The following SPOCK3 variants were observed in gnomAD, a reference collection of about 807,000 sequenced individuals.
SPOCK3 encodes the protein testican-3.
In SPOCK3, 30 loss-of-function variants were observed where a neutral mutation model predicts 56.6. The observed-to-expected ratio is 0.53, with a 90% CI of 0.40 to 0.72. The LOEUF is 0.72. SPOCK3 is among the 30% of genes least tolerant of loss of function. The pLI, the probability that SPOCK3 is intolerant of heterozygous loss-of-function variation, is 0.00. For missense variants in SPOCK3, 527 were observed against 530.0 expected, an observed-to-expected ratio of 0.99 and a Z score of 0.06; for synonymous variants, 196 against 183.3, an observed-to-expected ratio of 1.07 and a Z score of -0.56.
chr4:167,171,799 G>A (rs945441673), intron 2 of SPOCK3, among the ~76,000 whole-genome samples: 1 of 151,714 alleles, frequency 6.6e-6, no homozygotes, highest in African/African-American at 2.4e-5. Flanking sequence ...TCACTATCAT[G>A]ATTTCATCTA....
intron 3 of SPOCK3, among the ~76,000 whole-genome samples, chr4:167,056,535 T>A (rs536372961): frequency 6.6e-6 from 1 of 152,064 alleles, no homozygotes; most frequent in Non-Finnish European, 1.5e-5. Flanking sequence ...TTGAAAACTT[T>A]GAAAAAAATT....
At chr4:166,923,457 T>C (rs1483138745) in intron 4 of SPOCK3, among the ~76,000 whole-genome samples, 1 of 152,190 alleles carries the variant, frequency 6.6e-6, no homozygotes, top group Non-Finnish European at 1.5e-5. Context: ...AAAAGAGAGA[T>C]TCTATTTCTC....
intron 2 of SPOCK3, among the ~76,000 whole-genome samples, chr4:167,175,257 ACTT>A (rs775773834): frequency 4.6e-5 from 7 of 152,236 alleles, no homozygotes; most frequent in African/African-American, 1.2e-4. Flanking sequence ...CAATGATACT[ACTT>A]CTTATTAAAC....
chr4:167,159,058 C>T (rs113666151), intron 2 of SPOCK3, among the ~76,000 whole-genome samples: 1,628 of 152,044 alleles, frequency 0.011, 32 homozygotes, highest in African/African-American at 0.037. Context: ...AGCAAAAGCA[C>T]AGGAACTAGC....
At chr4:167,161,532 A>T (rs1765303742) in intron 2 of SPOCK3, among the ~76,000 whole-genome samples, 1 of 152,138 alleles carries the variant, frequency 6.6e-6, no homozygotes, top group South Asian at 2.1e-4. Context: ...CAGCCATCCC[A>T]TTACTGGGTA....
At chr4:166,863,819 C>T (rs920031119) in intron 6 of SPOCK3, among the ~76,000 whole-genome samples, 1 of 152,068 alleles carries the variant, frequency 6.6e-6, no homozygotes, top group Non-Finnish European at 1.5e-5. Context: ...GACTTAGACT[C>T]CTACACAATA....
intron 2 of SPOCK3, among the ~76,000 whole-genome samples, chr4:167,132,887 C>T (rs1762816293): frequency 6.6e-6 from 1 of 152,146 alleles, no homozygotes; most frequent in African/African-American, 2.4e-5. Flanking sequence ...ATGGCCTCCT[C>T]TTCTCAAGGT....
intron 2 of SPOCK3, among the ~76,000 whole-genome samples, chr4:167,222,133 AG>A (rs1230892375): frequency 6.6e-6 from 1 of 152,166 alleles, no homozygotes; most frequent in Non-Finnish European, 1.5e-5. Flanking sequence ...TTTAAGAAAA[AG>A]GAAACCCTGT....
At chr4:167,160,391 A>G in intron 2 of SPOCK3, among the ~76,000 whole-genome samples, 1 of 150,116 alleles carries the variant, frequency 6.7e-6, no homozygotes, top group Non-Finnish European at 1.5e-5. Context: ...GAAATAAAAG[A>G]GGATACAAAC....
intron 6 of SPOCK3, among the ~76,000 whole-genome samples, chr4:166,842,153 G>A (rs1246522681): frequency 6.6e-6 from 1 of 152,210 alleles, no homozygotes; most frequent in Non-Finnish European, 1.5e-5. Context: ...CATAGAGGCA[G>A]TGCGGACCCA....
At chr4:166,738,136 C>T (rs935284379) in intron 9 of SPOCK3, among the ~76,000 whole-genome samples, 4 of 152,182 alleles carry the variant, frequency 2.6e-5, no homozygotes, top group Admixed American at 2.6e-4. Context: ...TCTCTCCTCT[C>T]TCTTCCACTT....
chr4:167,054,790 G>T, intron 3 of SPOCK3, among the ~76,000 whole-genome samples: 1 of 152,130 alleles, frequency 6.6e-6, no homozygotes, highest in East Asian at 1.9e-4. Flanking sequence ...AAACCAAAAG[G>T]TAGATCAGGT....
chr4:166,833,916 T>C (rs956679773), intron 6 of SPOCK3, among the ~76,000 whole-genome samples: 13 of 152,200 alleles, frequency 8.5e-5, no homozygotes, highest in South Asian at 4.1e-4. Context: ...GGTTTGTTCC[T>C]CTGCTCAAGA....
chr4:166,895,679 G>A (rs1359117974), intron 5 of SPOCK3, among the ~76,000 whole-genome samples: 1 of 152,098 alleles, frequency 6.6e-6, no homozygotes, highest in Non-Finnish European at 1.5e-5. Context: ...TGTTTATTAT[G>A]CTTAAGAAAT....
intron 2 of SPOCK3, among the ~76,000 whole-genome samples, chr4:167,222,478 A>G (rs1736021262): frequency 7.0e-6 from 1 of 142,386 alleles, no homozygotes; most frequent in South Asian, 2.1e-4. Flanking sequence ...ATTTATATAT[A>G]AACATATATA....
chr4:166,930,732 T>C (rs927291331), intron 4 of SPOCK3, among the ~76,000 whole-genome samples: 1 of 152,236 alleles, frequency 6.6e-6, no homozygotes. Context: ...GAAGTTAGCA[T>C]GCATTATCCT....
At chr4:167,213,832 C>A (rs1735109440) in intron 2 of SPOCK3, among the ~76,000 whole-genome samples, 1 of 151,638 alleles carries the variant, frequency 6.6e-6, no homozygotes, top group Non-Finnish European at 1.5e-5. Flanking sequence ...TATAACATAT[C>A]AGATCACAAT....
intron 6 of SPOCK3, among the ~76,000 whole-genome samples, chr4:166,852,678 G>A (rs1360656556): frequency 6.6e-6 from 1 of 152,118 alleles, no homozygotes; most frequent in African/African-American, 2.4e-5. Flanking sequence ...ATGCTTCCCA[G>A]GCTGTCAGTA....
intron 4 of SPOCK3, among the ~76,000 whole-genome samples, chr4:166,977,663 A>G (rs1834833): frequency 0.92 from 140,627 of 152,136 alleles, 65,589 homozygotes; most frequent in East Asian, 0.99. Context: ...GGAGGATTTG[A>G]GTATCAGATA....
Sources: gnomAD v4.1 joint callset for allele counts (sites outside exome capture counted in the v4.1 genomes callset) on GRCh38, gnomAD v4.1.1 for gene constraint, MANE v1.5 for transcripts, NCBI Gene and HGNC (gene_info 2026-07-23, HGNC 2026-07-21) for gene names.